Variants in SEMA5A observed in about 807,000 individuals in gnomAD.
The protein encoded by SEMA5A is semaphorin-5A.
Under a neutral mutation model 135.5 loss-of-function variants are expected in SEMA5A, and 55 were observed. The observed-to-expected ratio is 0.41, with a 90% CI of 0.33 to 0.51. The LOEUF is 0.51. Ranked by LOEUF, SEMA5A falls within the 20% of genes least tolerant of loss-of-function variation. The pLI is 0.37. For synonymous variants in SEMA5A, 580 were observed against 546.5 expected (o/e 1.06, Z -0.85); for missense variants, 1,290 against 1,419.9 (o/e 0.91, Z 1.47).
At chr5:9,510,322 G>T (rs1579658712) in intron 1 of SEMA5A, among the ~76,000 whole-genome samples, 1 of 152,164 alleles carries the variant, frequency 6.6e-6, no homozygotes, top group African/African-American at 2.4e-5. Flanking sequence ...GCTTTATTGG[G>T]AGAATTAGTG....
At chr5:9,103,365 T>C (rs1739731489) in intron 16 of SEMA5A, among the ~76,000 whole-genome samples, 1 of 152,234 alleles carries the variant, frequency 6.6e-6, no homozygotes, top group Non-Finnish European at 1.5e-5. Context: ...ACGTTTCATT[T>C]GCTCTGAAGA....
At chr5:9,180,518 T>C (rs1744446074) in intron 11 of SEMA5A, among the ~76,000 whole-genome samples, 1 of 152,054 alleles carries the variant, frequency 6.6e-6, no homozygotes, top group African/African-American at 2.4e-5. Context: ...AAAAAAAAAT[T>C]CCAACATGAT....
intron 5 of SEMA5A, among the ~76,000 whole-genome samples, chr5:9,241,086 T>G (rs1437894078): frequency 6.6e-6 from 1 of 152,140 alleles, no homozygotes; most frequent in African/African-American, 2.4e-5. Context: ...AGCAGACATA[T>G]AGCAGTAATA....
chr5:9,041,450 A>T lies in SEMA5A; in HGVS notation c.*1447T>A, dbSNP rs1472375074. 1 of 152,044 alleles carries T rather than the reference A, an allele frequency of 6.6e-6. No homozygotes were observed. The highest frequency in any genetic ancestry group is 1.5e-5 in the Non-Finnish European group (1 of 68,016). 9.4% of individuals were successfully genotyped at this position (152,044 alleles called of 1,614,324 possible). A position where few individuals can be genotyped will look rare whatever the true frequency, so the allele number is the denominator to read the frequency against. On this transcript the variant is annotated 3_prime_UTR_variant, in exon 23 of 23. Transcript: ENST00000382496. ...CAATAATTATTCAACCAACTGCCAT[A>T]GGTTATGTATTGGTTGTTTGTGAGA...
chr5:9,291,260 C>T (rs537684353), intron 5 of SEMA5A, among the ~76,000 whole-genome samples: 1 of 152,282 alleles, frequency 6.6e-6, no homozygotes, highest in South Asian at 2.1e-4. Context: ...AGATTTTGCA[C>T]TTCGCGGATG....
chr5:9,082,541 C>T (rs899768942), intron 16 of SEMA5A, among the ~76,000 whole-genome samples: 1 of 152,132 alleles, frequency 6.6e-6, no homozygotes, highest in South Asian at 2.1e-4. Flanking sequence ...GCAGGAGAGC[C>T]CACCAAGGTC....
intron 3 of SEMA5A, among the ~76,000 whole-genome samples, chr5:9,369,280 T>G (rs553839213): frequency 6.6e-6 from 1 of 152,316 alleles, no homozygotes; most frequent in East Asian, 1.9e-4. Flanking sequence ...TTGCAAATAT[T>G]CCCACACAGT....
At chr5:9,355,437 G>T (rs1398521255) in intron 3 of SEMA5A, among the ~76,000 whole-genome samples, 5 of 152,298 alleles carry the variant, frequency 3.3e-5, no homozygotes, top group Non-Finnish European at 5.9e-5. Flanking sequence ...GAAGCATTTT[G>T]AACTAATTGA....
intron 21 of SEMA5A, among the ~76,000 whole-genome samples, chr5:9,046,702 T>C (rs926959224): frequency 6.6e-6 from 1 of 152,174 alleles, no homozygotes; most frequent in African/African-American, 2.4e-5. Flanking sequence ...CCCTGAACTT[T>C]TCCCTCTAAG....
intron 11 of SEMA5A, among the ~76,000 whole-genome samples, chr5:9,170,712 C>T (rs569486280): frequency 6.6e-6 from 1 of 152,294 alleles, no homozygotes; most frequent in East Asian, 1.9e-4. Context: ...CCCAAGCATG[C>T]TGGCATCCTG....
intron 5 of SEMA5A, among the ~76,000 whole-genome samples, chr5:9,317,882 C>A (rs1402191236): frequency 6.6e-6 from 1 of 152,220 alleles, no homozygotes; most frequent in Non-Finnish European, 1.5e-5. Flanking sequence ...CAAACCGCAA[C>A]AACAGAAGTA....
chr5:9,486,646 T>TA (rs377753621), intron 1 of SEMA5A, among the ~76,000 whole-genome samples: 19 of 149,334 alleles, frequency 1.3e-4, no homozygotes, highest in African/African-American at 4.4e-4. Context: ...AATACTCACA[T>TA]AAAAAAAAAG....
chr5:9,457,900 CTTTTTTTTTTTTTT>C (rs70943966), intron 1 of SEMA5A, among the ~76,000 whole-genome samples: 1 of 70,164 alleles, frequency 1.4e-5, no homozygotes, highest in Non-Finnish European at 2.5e-5. Context: ...AGCATCTCTC[CTTTTTTTTTTTTTT>C]TTTTTTTTTT....
chr5:9,066,728 A>T, intron 16 of SEMA5A, 82 bp from the exon 17 acceptor site: 1 of 1,225,748 alleles, frequency 8.2e-7, no homozygotes, highest in Non-Finnish European at 1.2e-6. Flanking sequence ...TTAGGGAAAG[A>T]TAAGGGTCTC....
intron 13 of SEMA5A, among the ~76,000 whole-genome samples, chr5:9,126,968 G>A (rs2150196141): frequency 6.6e-6 from 1 of 152,278 alleles, no homozygotes; most frequent in Non-Finnish European, 1.5e-5. Flanking sequence ...CATTGCTCAT[G>A]CCTATTCTTC....
intron 16 of SEMA5A, among the ~76,000 whole-genome samples, chr5:9,098,237 C>CAGTAAATA (rs1553983992): frequency 4.3e-5 from 6 of 140,240 alleles, no homozygotes; most frequent in African/African-American, 1.6e-4. Flanking sequence ...GACTCTGTCT[C>CAGTAAATA]AATAAATAAA....
At chr5:9,398,821 T>C (rs528156373) in intron 2 of SEMA5A, among the ~76,000 whole-genome samples, 1 of 152,332 alleles carries the variant, frequency 6.6e-6, no homozygotes, top group Admixed American at 6.5e-5. Flanking sequence ...TAGCACCAGG[T>C]TATCAGCAAT....
intron 3 of SEMA5A, among the ~76,000 whole-genome samples, chr5:9,346,919 T>C (rs1753901572): frequency 9.3e-6 from 1 of 108,032 alleles, no homozygotes; most frequent in Admixed American, 1.0e-4. Flanking sequence ...TGTGTGTATA[T>C]ATATATATAT....
At chr5:9,130,355 A>G (rs371306365) in intron 13 of SEMA5A, among the ~76,000 whole-genome samples, 1 of 152,234 alleles carries the variant, frequency 6.6e-6, no homozygotes, top group Non-Finnish European at 1.5e-5. Context: ...TTGCCATAGA[A>G]TGTAACAAAA....
Sources: gnomAD v4.1 joint callset for allele counts (sites outside exome capture counted in the v4.1 genomes callset) on GRCh38, gnomAD v4.1.1 for gene constraint, MANE v1.5 for transcripts, NCBI Gene and HGNC (gene_info 2026-07-23, HGNC 2026-07-21) for gene names.